Variants in STK33 observed in about 807,000 individuals in gnomAD.
STK33 encodes serine/threonine kinase 33, also known as serine/threonine-protein kinase 33.
In STK33, 52 loss-of-function variants were observed where a neutral mutation model predicts 58.0. That is an observed-to-expected ratio of 0.90 (90% confidence interval 0.72 to 1.13). The LOEUF is 1.13. Ranked by LOEUF, STK33 falls within the 50% of genes most tolerant of loss-of-function variation. The pLI is 0.00. For missense variants in STK33, 630 were observed against 604.2 expected (o/e 1.04, Z -0.45); for synonymous variants, 215 against 200.1 (o/e 1.07, Z -0.63).
chr11:8,408,069 A>G (rs902908527), intron 15 of STK33, among the ~76,000 whole-genome samples: 1 of 152,228 alleles, frequency 6.6e-6, no homozygotes, highest in Admixed American at 6.5e-5. Context: ...TATCTGGATA[A>G]ATATAAGAAA....
intron 14 of STK33, among the ~76,000 whole-genome samples, chr11:8,429,961 C>G (rs924281974): frequency 6.6e-6 from 1 of 152,146 alleles, no homozygotes; most frequent in Non-Finnish European, 1.5e-5. Context: ...AATCTAGTCA[C>G]TATCTCTAGC....
chr11:8,425,347 C>T (rs182460340), intron 14 of STK33, among the ~76,000 whole-genome samples: 6 of 152,238 alleles, frequency 3.9e-5, no homozygotes, highest in Non-Finnish European at 8.8e-5. Flanking sequence ...TGGTCTACAT[C>T]TCTGTTTTGC....
intron 12 of STK33, 104 bp from the exon 13 acceptor site, chr11:8,436,243 A>C: frequency 1.6e-6 from 1 of 608,080 alleles, no homozygotes; most frequent in East Asian, 3.0e-5. Flanking sequence ...CTTCATATTT[A>C]AGGAAAGGAT....
At chr11:8,351,503 G>A in the STK33 span, among the ~76,000 whole-genome samples, 13 of 152,324 alleles carry the variant, frequency 8.5e-5, no homozygotes, top group African/African-American at 1.2e-4. Flanking sequence ...GTCCCTGCAC[G>A]GGTGATGGAT....
At chr11:8,578,928 A>G (rs1958370025) in intron 1 of STK33, among the ~76,000 whole-genome samples, 1 of 152,028 alleles carries the variant, frequency 6.6e-6, no homozygotes, top group African/African-American at 2.4e-5. Flanking sequence ...AATGGAAGTA[A>G]TGATAGTTAC....
intron 1 of STK33, among the ~76,000 whole-genome samples, chr11:8,487,210 G>C (rs543560399): frequency 6.6e-6 from 1 of 151,934 alleles, no homozygotes; most frequent in Non-Finnish European, 1.5e-5. Context: ...GACTGCTTGC[G>C]CCCAAGAGTT....
the STK33 span, among the ~76,000 whole-genome samples, chr11:8,339,914 C>T: frequency 8.5e-5 from 13 of 152,242 alleles, no homozygotes; most frequent in Admixed American, 3.3e-4. Flanking sequence ...CCAGCTCTGC[C>T]TGGCCCTGAC....
intron 1 of STK33, among the ~76,000 whole-genome samples, chr11:8,490,131 A>T (rs1342279863): frequency 6.6e-6 from 1 of 152,238 alleles, no homozygotes; most frequent in Non-Finnish European, 1.5e-5. Context: ...TCACCCAGGA[A>T]GTGCAGGGGT....
intron 1 of STK33, among the ~76,000 whole-genome samples, chr11:8,583,721 A>G (rs574916419): frequency 1.3e-5 from 2 of 152,204 alleles, no homozygotes; most frequent in Non-Finnish European, 2.9e-5. Flanking sequence ...ATCCTCTGAA[A>G]TAAGTTACTT....
chr11:8,465,001 T>C (rs1183269742), intron 6 of STK33, 179 bp from the exon 7 acceptor site: 8 of 388,612 alleles, frequency 2.1e-5, no homozygotes, highest in Non-Finnish European at 2.7e-5. Flanking sequence ...TTAACCAAAA[T>C]AAGCGTTGAT....
chr11:8,391,460 C>T (rs1169999003), downstream of STK33, among the ~76,000 whole-genome samples: 1 of 152,166 alleles, frequency 6.6e-6, no homozygotes, highest in East Asian at 1.9e-4. Context: ...GCAAGAAGCA[C>T]ACGTACTATT....
chr11:8,501,521 CAAATA>C (rs889597168), intron 1 of STK33, among the ~76,000 whole-genome samples: 3 of 152,070 alleles, frequency 2.0e-5, no homozygotes, highest in African/African-American at 7.2e-5. Flanking sequence ...TAGTAAAAAA[CAAATA>C]AAATAAAATA....
At chr11:8,426,941 T>C (rs562784934) in intron 14 of STK33, among the ~76,000 whole-genome samples, 1 of 152,338 alleles carries the variant, frequency 6.6e-6, no homozygotes, top group South Asian at 2.1e-4. Flanking sequence ...CCTTGCCCCC[T>C]TCCCAGTGCT....
In STK33 at chr11:8,395,827, G is replaced by A. The variant is rs551255375; in HGVS notation, c.1345-3117C>T. Among the ~76,000 whole-genome samples the A allele has an allele frequency of 1.2e-4, 18 of 152,196 alleles. 1 individual carries two copies. Among genetic ancestry groups the A allele is most frequent in the South Asian group, 2.1e-4 (1 of 4,812 alleles). On this transcript the variant is annotated intron_variant, in intron 15 of 15. Transcript: ENST00000687296. ...ATATATTTTAGAAGAGAAATTCTTC[G>A]GATAAATGGTATATGGATTTGTAAT...
intron 12 of STK33, 63 bp downstream of exon 12, chr11:8,440,615 A>AT (rs1443810263): frequency 7.4e-7 from 1 of 1,348,066 alleles, no homozygotes; most frequent in Non-Finnish European, 1.0e-6. Flanking sequence ...TTTAAAGTCT[A>AT]TATCACTCTA....
At chr11:8,578,344 T>C (rs1454361480) in intron 1 of STK33, among the ~76,000 whole-genome samples, 1 of 152,004 alleles carries the variant, frequency 6.6e-6, no homozygotes, top group African/African-American at 2.4e-5. Flanking sequence ...AGCAAAATAC[T>C]GGAAAACATT....
intron 1 of STK33, among the ~76,000 whole-genome samples, chr11:8,576,630 C>T (rs756898010): frequency 3.3e-5 from 5 of 152,240 alleles, no homozygotes; most frequent in South Asian, 2.1e-4. Context: ...CAGTAACTGG[C>T]TTAAGTACTT....
intron 1 of STK33, among the ~76,000 whole-genome samples, chr11:8,490,808 T>A (rs770813526): frequency 4.6e-5 from 7 of 151,960 alleles, no homozygotes; most frequent in African/African-American, 1.2e-4. Context: ...CGGTCTGGAG[T>A]AGACCTCCAG....
chr11:8,361,169 A>C, the STK33 span, among the ~76,000 whole-genome samples: 1 of 152,160 alleles, frequency 6.6e-6, no homozygotes, highest in African/African-American at 2.4e-5. This position sits in a 1 kb window ranked among gnomAD's most constrained non-coding sequence, Gnocchi z 4.8. Context: ...AGGTTCATTC[A>C]TCTATCCACC....
Sources: gnomAD v4.1 joint callset for allele counts (sites outside exome capture counted in the v4.1 genomes callset) on GRCh38, gnomAD v4.1.1 for gene constraint, Gnocchi (gnomAD v3.1) non-coding constraint, MANE v1.5 for transcripts, NCBI Gene and HGNC (gene_info 2026-07-23, HGNC 2026-07-21) for gene names.